Variants in ITPKB observed in about 807,000 individuals in gnomAD.
ITPKB encodes inositol-trisphosphate 3-kinase B, also known as IP3 3-kinase B.
A neutral mutation model predicts 69.4 loss-of-function variants in ITPKB; 13 were observed. The observed-to-expected ratio is 0.19, with a 90% CI of 0.12 to 0.30. The LOEUF (loss-of-function observed/expected upper bound fraction) is 0.30. Ranked by LOEUF, ITPKB falls within the 10% of genes least tolerant of loss-of-function variation. ITPKB has a pLI of 1.00. For missense variants in ITPKB, 1,240 were observed against 1,250.5 expected (o/e 0.99, Z 0.13); for synonymous variants, 584 against 513.7 (o/e 1.14, Z -1.85).
At chr1:226,676,471 C>T (rs1366701539) in intron 2 of ITPKB, 1 of 152,258 alleles carries the variant, frequency 6.6e-6, no homozygotes, top group African/African-American at 2.4e-5. Context: ...CCCAATTCCC[C>T]TACCGGTGTG....
rs1237224691 is a variant in ITPKB, at chr1:226,736,891, C to T, written c.568G>A (p.Val190Ile). The change falls in exon 2 of 8, where the codon GTC becomes ATC. Residue 190 changes from valine (V) to isoleucine (I), a missense_variant. Physicochemically the swap from Val to Ile is conservative, Grantham distance 29. Transcript: ENST00000429204. ...TCGCTCCGGGCGCCCTGAACCAGGA[C>T]CCTTCCAGGGGGCTGACTGCTGCTG... ...FRSSSQPPGR[V>I]LVQGARSEER... The T allele has an allele frequency of 6.2e-7, 1 of 1,610,554 alleles. No homozygotes were observed. Among genetic ancestry groups the T allele is most frequent in the Non-Finnish European group, 8.5e-7 (1 of 1,180,002 alleles).
intron 2 of ITPKB, among the ~76,000 whole-genome samples, chr1:226,666,931 T>C (rs1242147159): frequency 6.6e-6 from 1 of 152,176 alleles, no homozygotes; most frequent in Non-Finnish European, 1.5e-5. Flanking sequence ...CCCTGGGCTG[T>C]TGCAAAACTG....
intron 2 of ITPKB, among the ~76,000 whole-genome samples, chr1:226,665,629 C>T (rs983158873): frequency 2.0e-5 from 3 of 151,740 alleles, no homozygotes; most frequent in Admixed American, 6.6e-5. Flanking sequence ...TGGTCACCGG[C>T]GGGGGCTGAG....
chr1:226,685,759 A>G (rs904883139), intron 2 of ITPKB, among the ~76,000 whole-genome samples: 4 of 152,244 alleles, frequency 2.6e-5, no homozygotes, highest in Non-Finnish European at 5.9e-5. Context: ...TGTTTATAAA[A>G]TGGACACATG....
chr1:226,684,701 A>T (rs1656161592), intron 2 of ITPKB, among the ~76,000 whole-genome samples: 1 of 152,162 alleles, frequency 6.6e-6, no homozygotes, highest in Non-Finnish European at 1.5e-5. Context: ...TTTTCAAATG[A>T]TATCCTCATA....
rs541028070 is a variant in ITPKB at position 226,686,261 on chromosome 1, GA to G, written c.1933-37491del. ...ATCAACAGTGAGGCTCTGGCTGGCT[GA>G]AGAATGTCTCCAACTCCCTAGTCAC... is the stretch of plus-strand genomic sequence containing the variant. On this transcript the variant is annotated intron_variant, in intron 2 of 7. Transcript: ENST00000429204. Among the ~76,000 whole-genome samples the G allele has an allele frequency of 2.2e-4, 34 of 152,322 alleles. No individual in the cohort carries two copies. In the East Asian group the frequency reaches 6.4e-3, roughly 28 times the overall value.
At chr1:226,733,822 CGTT>C (rs1328917943) in intron 2 of ITPKB, among the ~76,000 whole-genome samples, 1 of 152,218 alleles carries the variant, frequency 6.6e-6, no homozygotes, top group Non-Finnish European at 1.5e-5. Flanking sequence ...AGTCACCTGT[CGTT>C]ATTGATCTCC....
At chr1:226,649,714 T>C (rs951358195) in intron 2 of ITPKB, among the ~76,000 whole-genome samples, 1 of 152,168 alleles carries the variant, frequency 6.6e-6, no homozygotes, top group African/African-American at 2.4e-5. Flanking sequence ...TCTATTTCCA[T>C]CTGGTGGAGC....
chr1:226,736,716 G>T lies in ITPKB; in HGVS notation c.743C>A (p.Ala248Asp). 6.2e-7 allele frequency: 1 copy of T among 1,612,812 alleles called. No individual in the cohort carries two copies. The highest frequency in any genetic ancestry group is 8.5e-7 in the Non-Finnish European group (1 of 1,179,732). ...PGRAAPTGSE[A>D]QGPSAFVRME... ...CCTTACAAAAGCGGATGGACCCTGA[G>T]CCTCTGATCCTGTAGGGGCAGCCCG... Residue 248 changes from alanine to aspartate, a missense_variant, in exon 2 of 8, where the codon GCT (alanine) becomes GAT (aspartate). Ala to Asp is a moderately radical substitution (Grantham distance 126). Around this residue, in one of 2 missense-constraint regions of ITPKB, gnomAD observed 992 missense variants for 853.8 expected, o/e 1.16. Transcript: ENST00000429204.
chr1:226,648,562 G>A (rs542063222), intron 3 of ITPKB, 110 bp downstream of exon 3: 4 of 749,396 alleles, frequency 5.3e-6, no homozygotes, highest in Non-Finnish European at 9.7e-6. Context: ...AGACTAGAAA[G>A]TCTTGGAGGG....
intron 2 of ITPKB, among the ~76,000 whole-genome samples, chr1:226,715,418 G>A (rs988488634): frequency 3.9e-5 from 6 of 152,316 alleles, no homozygotes; most frequent in African/African-American, 1.4e-4. Context: ...AGTTCATTGC[G>A]AAGCACAAAT....
chr1:226,700,179 C>G (rs1240073055), intron 2 of ITPKB, among the ~76,000 whole-genome samples: 1 of 152,174 alleles, frequency 6.6e-6, no homozygotes, highest in African/African-American at 2.4e-5. Context: ...AGCATCAATA[C>G]TTTGCAACTG....
At chr1:226,702,126 T>A (rs944812032) in intron 2 of ITPKB, among the ~76,000 whole-genome samples, 1 of 152,056 alleles carries the variant, frequency 6.6e-6, no homozygotes, top group Non-Finnish European at 1.5e-5. Context: ...CCCGGCACGG[T>A]GGTTCATGCC....
chr1:226,665,584 G>A (rs891753549), intron 2 of ITPKB, among the ~76,000 whole-genome samples: 9 of 152,188 alleles, frequency 5.9e-5, no homozygotes, highest in African/African-American at 1.9e-4. Context: ...GATGAGTAGC[G>A]GAGGAAACGA....
chr1:226,724,718 A>G (rs572082637), intron 2 of ITPKB, among the ~76,000 whole-genome samples: 4 of 152,068 alleles, frequency 2.6e-5, no homozygotes, highest in African/African-American at 9.6e-5. Context: ...CATAGCTAAG[A>G]CTCTATAACG....
In ITPKB at chr1:226,737,460, G is replaced by A. The variant is rs1270144377; in HGVS notation, c.-2C>T. On this transcript the variant is annotated 5_prime_UTR_variant, in exon 2 of 8. Transcript: ENST00000429204. ...GAGCGCATAGCAGTACACAGCCATA[G>A]TACTGGGTCCCGCGCTGCCCGCCGC... The A allele has an allele frequency of 6.3e-6, 10 of 1,592,184 alleles. No individual in the cohort carries two copies. Among genetic ancestry groups the A allele is most frequent in the Non-Finnish European group, 8.5e-6 (10 of 1,172,548 alleles).
At chr1:226,666,642 C>T (rs550586920) in intron 2 of ITPKB, among the ~76,000 whole-genome samples, 1 of 152,312 alleles carries the variant, frequency 6.6e-6, no homozygotes, top group Admixed American at 6.5e-5. Context: ...TAATTTACCA[C>T]CCTGACAACT....
intron 2 of ITPKB, among the ~76,000 whole-genome samples, chr1:226,663,253 A>T (rs919075341): frequency 1.3e-5 from 2 of 152,136 alleles, no homozygotes; most frequent in African/African-American, 4.8e-5. Flanking sequence ...TCCCCACGTG[A>T]CAGGAGCCTC....
In ITPKB at chr1:226,641,834, A is replaced by T; in HGVS notation, c.2451+87T>A. The T allele has an allele frequency of 8.1e-7, 1 of 1,239,552 alleles. No individual in the cohort carries two copies. The highest frequency in any genetic ancestry group is 1.1e-6 in the Non-Finnish European group (1 of 877,564). The allele number at this position is 1,239,552 out of a possible 1,614,324, so 76.8% of individuals were successfully genotyped here. Reference sequence around the variant, plus strand: ...TCTGAGCCTGTGCCTGGAGAAGCTTACAGCTTCCAAAGGGCGCTGAGAGAA... The same window carrying T: ...TCTGAGCCTGTGCCTGGAGAAGCTTTCAGCTTCCAAAGGGCGCTGAGAGAA... On this transcript the variant is annotated intron_variant, in intron 5 of 7. Transcript: ENST00000429204. The surrounding 1 kb of genome is among the most constrained non-coding windows in gnomAD (Gnocchi z 4.6).
Sources: allele counts gnomAD v4.1 joint callset (sites outside exome capture counted in the v4.1 genomes callset), GRCh38; gene constraint gnomAD v4.1.1; regional missense constraint gnomAD v4.1.1; non-coding constraint Gnocchi (gnomAD v3.1); transcripts MANE v1.5; gene names NCBI Gene and HGNC (gene_info 2026-07-23, HGNC 2026-07-21).